The following DNA2 variants were observed in gnomAD, a reference collection of about 807,000 sequenced individuals.
DNA2 encodes the protein DNA replication ATP-dependent helicase/nuclease DNA2.
In DNA2, 101 loss-of-function variants were observed where a neutral mutation model predicts 119.1. That is an observed-to-expected ratio of 0.85 (90% CI 0.72 to 1.00). The LOEUF (loss-of-function observed/expected upper bound fraction) is 1.00, where lower values mean the gene tolerates loss of function less well. DNA2 is among the 50% of genes least tolerant of loss of function. The pLI, the probability that DNA2 is intolerant of heterozygous loss-of-function variation, is 0.00. For missense variants in DNA2, 1,121 were observed against 1,255.5 expected (o/e 0.89, Z 1.62); for synonymous variants, 366 against 424.4 (o/e 0.86, Z 1.69).
chr10:68,433,637 A>G (rs1177631256), intron 10 of DNA2, among the ~76,000 whole-genome samples: 1 of 152,082 alleles, frequency 6.6e-6, no homozygotes, highest in Non-Finnish European at 1.5e-5. Context: ...TCAAGCTGTT[A>G]TCTCACCGCA....
At position 68,437,488 on chromosome 10, in the gene DNA2, T is replaced by C. The variant is rs10998164; in HGVS notation, c.1416-247A>G. Among the ~76,000 whole-genome samples, 44,932 of 149,348 alleles carry C rather than the reference T, an allele frequency of 0.3. 8,055 individuals carry two copies. Among genetic ancestry groups the C allele is most frequent in the African/African-American group, 0.49 (20,040 of 40,616 alleles). On this transcript the variant is annotated intron_variant, in intron 9 of 20. Coordinates refer to ENST00000358410, the MANE Select transcript of DNA2 (RefSeq NM_001080449.3). The stretch of plus-strand genomic sequence containing the variant: ...CCTATCTCTACTAAAAAAAAAAAAA[T>C]AAAAATAAAAAATTAGCCAGGTGTG...
At chr10:68,442,248 T>G (rs1037092243) in intron 9 of DNA2, among the ~76,000 whole-genome samples, 1 of 151,166 alleles carries the variant, frequency 6.6e-6, no homozygotes, top group Non-Finnish European at 1.5e-5. Context: ...AGACAGAGTC[T>G]CGCTCTGTCA....
chr10:68,447,548 G>T (rs903233553), intron 6 of DNA2, among the ~76,000 whole-genome samples: 2 of 148,816 alleles, frequency 1.3e-5, no homozygotes, highest in Admixed American at 1.3e-4. Context: ...AATTAGCCAG[G>T]CATGGTGATG....
rs1398180154 is a variant in DNA2 at position 68,450,111 on chromosome 10, G to A, written c.856C>T (p.Arg286Ter). ...IDVTVGVKIH[R>*]GYKTKYKIMP... ...ATCTTGTATTTTGTTTTATACCCTCGATGTATTTTCACACCAACTGTAACA... is the reference window on the plus strand; with the variant it reads ...ATCTTGTATTTTGTTTTATACCCTCAATGTATTTTCACACCAACTGTAACA... Residue 286 changes from arginine (R) to a stop codon, truncating the protein, a stop_gained, in exon 6 of 21, where the codon CGA becomes TGA. Coordinates refer to ENST00000358410, the MANE Select transcript of DNA2 (RefSeq NM_001080449.3). LOFTEE classifies it high-confidence loss of function. The A allele has an allele frequency of 3.7e-6, 6 of 1,604,124 alleles. No individual in the cohort carries two copies. The highest frequency in any genetic ancestry group is 2.2e-5 in the South Asian group (2 of 89,644).
At chr10:68,441,889 G>A (rs936902289) in intron 9 of DNA2, among the ~76,000 whole-genome samples, 1 of 151,844 alleles carries the variant, frequency 6.6e-6, no homozygotes, top group African/African-American at 2.4e-5. Flanking sequence ...TGTTATCACC[G>A]ATGAAAAAGT....
chr10:68,435,051 A>T (rs1056990178), intron 10 of DNA2, among the ~76,000 whole-genome samples: 1 of 147,954 alleles, frequency 6.8e-6, no homozygotes, highest in African/African-American at 2.5e-5. Flanking sequence ...CTCTGCCACA[A>T]TTTTTTTTTT....
intron 5 of DNA2, among the ~76,000 whole-genome samples, chr10:68,453,839 G>C (rs2052150554): frequency 6.6e-6 from 1 of 152,246 alleles, no homozygotes. Context: ...ACACAATGAT[G>C]ACATTGCCTA....
chr10:68,432,647 C>A (rs375107772), intron 10 of DNA2, 137 bp from the exon 11 acceptor site: 2 of 650,552 alleles, frequency 3.1e-6, no homozygotes, highest in South Asian at 1.9e-5. Context: ...TCACACTTGC[C>A]AATCAAGGAC....
intron 10 of DNA2, among the ~76,000 whole-genome samples, chr10:68,435,799 G>T (rs558896557): frequency 6.6e-6 from 1 of 152,138 alleles, no homozygotes; most frequent in East Asian, 1.9e-4. Context: ...ACTGAAATGG[G>T]TATACTTATA....
chr10:68,453,691 G>T (rs1419844482), intron 5 of DNA2, among the ~76,000 whole-genome samples: 2 of 152,088 alleles, frequency 1.3e-5, no homozygotes, highest in Non-Finnish European at 2.9e-5. Context: ...ACTTACCGTT[G>T]TTACAATTGC....
At chr10:68,465,344 A>C (rs1431359121) in intron 4 of DNA2, among the ~76,000 whole-genome samples, 1 of 152,142 alleles carries the variant, frequency 6.6e-6, no homozygotes, top group East Asian at 1.9e-4. Flanking sequence ...AACCAGTTTC[A>C]TCTTCTTCCC....
At chr10:68,429,711 CAAA>C (rs1165329779) in intron 14 of DNA2, among the ~76,000 whole-genome samples, 1,743 of 40,310 alleles carry the variant, frequency 0.043, 31 homozygotes, top group African/African-American at 0.15. Flanking sequence ...GACTCCATCT[CAAA>C]AAAAAAAAAA....
At chr10:68,430,395 G>A in intron 14 of DNA2, 41 bp downstream of exon 14, 1 of 1,392,642 alleles carries the variant, frequency 7.2e-7, no homozygotes, top group South Asian at 1.3e-5. Context: ...TCTGGCTGTG[G>A]ACATTAACTG....
chr10:68,418,846 T>G (rs889397392), intron 19 of DNA2, among the ~76,000 whole-genome samples, 188 bp downstream of exon 19: 5 of 151,846 alleles, frequency 3.3e-5, no homozygotes, highest in Non-Finnish European at 7.4e-5. Context: ...CTAATTTTTG[T>G]ATTTTTAGTA....
In DNA2 at chr10:68,417,922, C is replaced by T. The variant is rs1456046871; in HGVS notation, c.2968-1067G>A. ...TAGTCACAAAAAGATAAATGCTGTA[C>T]GATTCTACTTATATGAGGTACTTAG... On this transcript the variant is annotated intron_variant, in intron 19 of 20. Coordinates refer to ENST00000358410, the MANE Select transcript of DNA2 (RefSeq NM_001080449.3). Among the ~76,000 whole-genome samples, 7 of 152,176 alleles carry T rather than the reference C, an allele frequency of 4.6e-5. No homozygotes were observed. In the East Asian group the frequency reaches 1.2e-3, roughly 25 times the overall value.
intron 12 of DNA2, 95 bp from the exon 13 acceptor site, chr10:68,432,066 A>G: frequency 2.6e-6 from 3 of 1,170,020 alleles, no homozygotes; most frequent in Non-Finnish European, 3.7e-6. Context: ...ATCCAAGTCT[A>G]TTCTTCAATA....
chr10:68,439,471 C>T (rs879751622), intron 9 of DNA2, among the ~76,000 whole-genome samples: 4 of 152,096 alleles, frequency 2.6e-5, no homozygotes, highest in Admixed American at 1.3e-4. Flanking sequence ...GAGGCCAAGG[C>T]AGCTGGATCA....
rs766320943 is a variant in DNA2, at chr10:68,445,019, A to G, written c.1122T>C (p.Thr374=). The change falls in exon 8 of 21, where the codon ACT becomes ACC. Residue 374 remains threonine, a synonymous_variant. Transcript: ENST00000358410. Reference sequence around the variant, plus strand: ...AAGAAGCAAGCTGTGTCTTCTGTCTAGTAGCAGATTTGCTAATACGGTGAA... The same window carrying G: ...AAGAAGCAAGCTGTGTCTTCTGTCTGGTAGCAGATTTGCTAATACGGTGAA... ...SLFHRISKSA[T]RQKTQLASLP... is the part of the protein sequence containing the mutation. The G allele has an allele frequency of 1.2e-6, 2 of 1,613,396 alleles. No individual in the cohort carries two copies. Among genetic ancestry groups the G allele is most frequent in the Admixed American group, 3.3e-5 (2 of 59,988 alleles).
intron 10 of DNA2, chr10:68,436,792 T>A (rs1190021933): frequency 1.8e-5 from 7 of 384,698 alleles, no homozygotes; most frequent in Non-Finnish European, 3.2e-5. Flanking sequence ...CTGGGGAAAT[T>A]GGAGGAAAAT....
Sources: allele counts gnomAD v4.1 joint callset (sites outside exome capture counted in the v4.1 genomes callset), GRCh38; gene constraint gnomAD v4.1.1; transcripts MANE v1.5; gene names NCBI Gene and HGNC (gene_info 2026-07-23, HGNC 2026-07-21).